UBR4: variants seen among roughly 807,000 people sequenced by gnomAD.
UBR4 encodes the protein ubiquitin protein ligase E3 component n-recognin 4.
A neutral mutation model predicts 575.6 loss-of-function variants in UBR4; 124 were observed. That is an observed-to-expected ratio of 0.22 (90% confidence interval 0.19 to 0.25). The LOEUF (loss-of-function observed/expected upper bound fraction) is 0.25. Ranked by LOEUF, UBR4 falls within the 10% of genes least tolerant of loss-of-function variation. The probability of loss-of-function intolerance (pLI) is 1.00; values close to 1 mark genes in which losing one functional copy is unlikely to be tolerated. For synonymous variants in UBR4, 2,455 were observed against 2,473.7 expected (o/e 0.99, Z 0.22); for missense variants, 4,818 against 6,478.8 (o/e 0.74, Z 8.80).
intron 102 of UBR4, among the ~76,000 whole-genome samples, chr1:19,082,448 C>T (rs893496379): frequency 2.6e-5 from 4 of 152,224 alleles, no homozygotes; most frequent in Non-Finnish European, 4.4e-5. Flanking sequence ...TCCTTCTCCA[C>T]GCTGAAGCTT....
intron 60 of UBR4, among the ~76,000 whole-genome samples, chr1:19,134,989 C>T (rs1208082692): frequency 6.6e-6 from 1 of 151,984 alleles, no homozygotes; most frequent in Non-Finnish European, 1.5e-5. Context: ...CTTTTGTGTC[C>T]TATTCAATAA....
intron 68 of UBR4, 66 bp downstream of exon 68, chr1:19,121,123 A>G: frequency 1.9e-6 from 3 of 1,570,588 alleles, no homozygotes; most frequent in Non-Finnish European, 2.6e-6. Context: ...AACAGGACAA[A>G]CCATGTGCTC....
intron 94 of UBR4, among the ~76,000 whole-genome samples, chr1:19,094,688 A>G (rs2077853414): frequency 6.6e-6 from 1 of 152,262 alleles, no homozygotes; most frequent in Non-Finnish European, 1.5e-5. Flanking sequence ...GCAGCTTTTG[A>G]GTGAAAGACT....
chr1:19,204,037 C>T (rs1000773691), intron 1 of UBR4, among the ~76,000 whole-genome samples: 1 of 152,164 alleles, frequency 6.6e-6, no homozygotes, highest in African/African-American at 2.4e-5. Flanking sequence ...CTCGCTCTGT[C>T]GCCCAGGCTA....
chr1:19,119,018 A>G, intron 70 of UBR4, 61 bp from the exon 71 acceptor site: 1 of 1,534,182 alleles, frequency 6.5e-7, no homozygotes, highest in African/African-American at 1.4e-5. Context: ...ATTGGAAAAG[A>G]CTTTTGTCTT....
chr1:19,183,448 G>A (rs141498192), intron 17 of UBR4, among the ~76,000 whole-genome samples: 1,603 of 152,278 alleles, frequency 0.011, 22 homozygotes, highest in African/African-American at 0.036. Flanking sequence ...CAGGCCGGGC[G>A]CGGTGGCTCA....
At chr1:19,146,745 C>T (rs1480066736) in intron 52 of UBR4, 81 bp downstream of exon 52, 5 of 1,507,126 alleles carry the variant, frequency 3.3e-6, no homozygotes, top group Non-Finnish European at 4.5e-6. Flanking sequence ...CAGTCAGAGG[C>T]CAGTAAGAAC....
intron 21 of UBR4, 137 bp from the exon 22 acceptor site, chr1:19,174,584 T>A: frequency 7.7e-7 from 1 of 1,300,938 alleles, no homozygotes; most frequent in South Asian, 1.4e-5. Flanking sequence ...TTGGAACAGA[T>A]TCCCATTCTG....
chr1:19,156,681 T>A, intron 41 of UBR4, 86 bp downstream of exon 41: 4 of 1,509,682 alleles, frequency 2.6e-6, no homozygotes, highest in Non-Finnish European at 3.6e-6. Context: ...CCACAACGAA[T>A]AAGAAAAAGT....
chr1:19,175,065 T>A, intron 20 of UBR4, 32 bp from the exon 21 acceptor site: 3 of 1,564,446 alleles, frequency 1.9e-6, no homozygotes, highest in Non-Finnish European at 2.6e-6. Flanking sequence ...AAAAGAATGG[T>A]TCCATTCTTA....
rs2088018884 is a variant in UBR4, at chr1:19,164,747, A to T, written c.4511+52T>A. The T allele has an allele frequency of 5.6e-6, 9 of 1,595,656 alleles. No homozygotes were observed. In the South Asian group the frequency reaches 1.0e-4, roughly 18 times the overall value. ...CGAAGGAAAGATAACTGCAAATATC[A>T]ACGTGTTTCTGGGGTTGCTAGGGAA... On this transcript the variant is annotated intron_variant, in intron 32 of 105. Transcript: ENST00000375254.
chr1:19,190,518 CAT>C (rs1051521054), intron 11 of UBR4, among the ~76,000 whole-genome samples: 7 of 151,834 alleles, frequency 4.6e-5, no homozygotes, highest in African/African-American at 1.2e-4. Context: ...CAACATCTCA[CAT>C]AGAGGTCTGA....
At chr1:19,149,921 A>G (rs1043190309) in intron 49 of UBR4, 4 of 641,190 alleles carry the variant, frequency 6.2e-6, no homozygotes, top group Non-Finnish European at 9.3e-6. Flanking sequence ...AAAGGAAGGG[A>G]GGGAGGAGGC....
At chr1:19,187,607 G>C in intron 11 of UBR4, 67 bp from the exon 12 acceptor site, 1 of 1,526,064 alleles carries the variant, frequency 6.6e-7, no homozygotes, top group Non-Finnish European at 9.0e-7. Flanking sequence ...TTCTGAAGCA[G>C]TGGATCTTGC....
chr1:19,166,774 C>CA (rs1406731474), intron 29 of UBR4, among the ~76,000 whole-genome samples: 1 of 138,230 alleles, frequency 7.2e-6, no homozygotes, highest in African/African-American at 2.8e-5. Context: ...GGCATGGTGG[C>CA]ATGCACCTGT....
chr1:19,165,261 G>A lies in UBR4; in HGVS notation c.4300C>T (p.Leu1434Phe), dbSNP rs2088144099. 1.2e-6 allele frequency: 2 copies of A among 1,614,000 alleles called. No individual in the cohort carries two copies. The highest frequency in any genetic ancestry group is 1.7e-5 in the Admixed American group (1 of 60,020). ...AGCTGTCACTCACTCAGCTGGAAGA[G>A]TTTGGTGAAGAATTTCAAAACTCGG... ...CNRVLKFFTKLFQLTEKSPNP... is the reference protein window; with the variant it reads ...CNRVLKFFTKFFQLTEKSPNP... The change falls in exon 31 of 106, where the codon CTC becomes TTC. Residue 1434 changes from leucine (L) to phenylalanine (F), a missense_variant. This residue lies in a region of UBR4 where 1,172 missense variants were observed against 1,259.7 expected (regional missense o/e 0.93). Transcript: ENST00000375254.
intron 71 of UBR4, chr1:19,118,578 G>A (rs774715049): frequency 8.5e-5 from 27 of 315,804 alleles, no homozygotes; most frequent in Admixed American, 2.8e-4. Flanking sequence ...ACGCCACCAC[G>A]CCTGGCTAAC....
chr1:19,125,829 G>C (rs2081682937), intron 64 of UBR4: 1 of 154,544 alleles, frequency 6.5e-6, no homozygotes, highest in Non-Finnish European at 1.4e-5. Context: ...GAAGAGACTG[G>C]TGATATCAGT....
chr1:19,164,320 C>T lies in UBR4; in HGVS notation c.4633G>A (p.Ala1545Thr). 1 of 1,614,230 alleles carries T rather than the reference C, an allele frequency of 6.2e-7. No individual in the cohort carries two copies. ...PELMVVMATL[A>T]SAGQGAGHLQ... ...TGACCAGCACCTTGACCTGCACTGG[C>T]CAGAGTGGCCATCACAACCATAAGT... The change falls in exon 33 of 106, where the codon GCC (alanine) becomes ACC (threonine). Residue 1545 changes from alanine (A) to threonine (T), a missense_variant. Coordinates refer to ENST00000375254, the MANE Select transcript of UBR4 (RefSeq NM_020765.3).
Sources: allele counts gnomAD v4.1 joint callset (sites outside exome capture counted in the v4.1 genomes callset), GRCh38; gene constraint gnomAD v4.1.1; regional missense constraint gnomAD v4.1.1; transcripts MANE v1.5; gene names NCBI Gene and HGNC (gene_info 2026-07-23, HGNC 2026-07-21).